C6orf89: variants seen among roughly 807,000 people sequenced by gnomAD.
C6orf89 encodes the protein chromosome 6 open reading frame 89, also known as bombesin receptor-activated protein C6orf89.
In C6orf89, 29 loss-of-function variants were observed where a neutral mutation model predicts 40.7. That is an observed-to-expected ratio of 0.71 (90% CI 0.53 to 0.97). The LOEUF is 0.97. Among genes scored for constraint, C6orf89 ranks in the 50% least tolerant of loss-of-function variants. C6orf89 has a pLI of 0.00. For missense variants in C6orf89, 392 were observed against 429.1 expected (o/e 0.91, Z 0.76); for synonymous variants, 165 against 152.2 (o/e 1.08, Z -0.62).
chr6:36,916,179 AAT>A (rs1476543205), intron 6 of C6orf89, among the ~76,000 whole-genome samples: 1 of 152,124 alleles, frequency 6.6e-6, no homozygotes, highest in Non-Finnish European at 1.5e-5. Context: ...CTTTCCTTCC[AAT>A]ATATATTGTT....
intron 4 of C6orf89, among the ~76,000 whole-genome samples, chr6:36,913,283 C>T (rs1762190548): frequency 6.6e-6 from 1 of 152,172 alleles, no homozygotes; most frequent in Non-Finnish European, 1.5e-5. Flanking sequence ...CCATTTCTGA[C>T]CAGCATGTGG....
At position 36,926,209 on chromosome 6, in the gene C6orf89, A is replaced by C. The variant is rs774077906; in HGVS notation, c.*2768A>C. 3 of 152,014 alleles carry C rather than the reference A, an allele frequency of 2.0e-5. No individual in the cohort carries two copies. Among genetic ancestry groups the C allele is most frequent in the Non-Finnish European group, 2.9e-5 (2 of 68,002 alleles). The allele number at this position is 152,014 out of a possible 1,614,324, so 9.4% of individuals were successfully genotyped here. On this transcript the variant is annotated 3_prime_UTR_variant, in exon 9 of 9. Coordinates refer to ENST00000480824, the MANE Select transcript of C6orf89 (RefSeq NM_001286635.2). ...TGAAAAAAGGCAGAGCTTATCCTCA[A>C]TTTTTTTTAGGGAAGAGAAGGAATA...
rs1436983512 is a variant in C6orf89, at chr6:36,924,724, G to A, written c.*1283G>A. Reference sequence around the variant, plus strand: ...TGGCCACTGGTCATGCCATTGCCAAGATGAAGAAAAAGCAAACTACACTTT... The same window carrying A: ...TGGCCACTGGTCATGCCATTGCCAAAATGAAGAAAAAGCAAACTACACTTT... On this transcript the variant is annotated 3_prime_UTR_variant, in exon 9 of 9. Transcript: ENST00000480824. 1 of 152,074 alleles carries A rather than the reference G, an allele frequency of 6.6e-6. No homozygotes were observed. The highest frequency in any genetic ancestry group is 1.5e-5 in the Non-Finnish European group (1 of 68,026). The allele number at this position is 152,074 out of a possible 1,614,324, so 9.4% of individuals were successfully genotyped here.
intron 1 of C6orf89, among the ~76,000 whole-genome samples, chr6:36,874,504 G>A (rs1050384677): frequency 2.6e-5 from 4 of 152,250 alleles, no homozygotes; most frequent in Non-Finnish European, 4.4e-5. Flanking sequence ...CAATCAGGCA[G>A]CTATTGCTGA....
upstream of C6orf89, among the ~76,000 whole-genome samples, chr6:36,883,693 T>A (rs1433122325): frequency 6.6e-6 from 1 of 152,224 alleles, no homozygotes; most frequent in Non-Finnish European, 1.5e-5. Context: ...ACATCATGGA[T>A]TAAAGAGAAC....
At position 36,928,085 on chromosome 6, in the gene C6orf89, C is replaced by T. The variant is rs547174138; in HGVS notation, c.*4644C>T. On this transcript the variant is annotated 3_prime_UTR_variant, in exon 9 of 9. Coordinates refer to ENST00000480824, the MANE Select transcript of C6orf89 (RefSeq NM_001286635.2). ...AAATACATCTGTCATATTCCTCTCC[C>T]TGGAGACTGCGAAATGTCCAGACTT... 1.3e-5 allele frequency: 2 copies of T among 152,362 alleles called. No individual in the cohort carries two copies. Among genetic ancestry groups the T allele is most frequent in the Admixed American group, 1.3e-4 (2 of 15,310 alleles). The allele number at this position is 152,362 out of a possible 1,614,324, so 9.4% of individuals were successfully genotyped here.
intron 7 of C6orf89, among the ~76,000 whole-genome samples, 186 bp downstream of exon 7, chr6:36,916,760 T>C (rs541744444): frequency 6.6e-6 from 1 of 152,334 alleles, no homozygotes; most frequent in Admixed American, 6.5e-5. Context: ...CACCTTGTCA[T>C]GAAGGCAGGT....
rs1762772312 is a variant in C6orf89, at chr6:36,928,925, G to T, written c.*5484G>T. ...TAAATTAAAGTTTATTGTAATGAAG[G>T]TTTTTACTTTTTGCAATTAAAAGTG... is the stretch of plus-strand genomic sequence containing the variant. On this transcript the variant is annotated 3_prime_UTR_variant, in exon 9 of 9. Transcript: ENST00000480824. 6.6e-6 allele frequency: 1 copy of T among 152,184 alleles called. No homozygotes were observed. Among genetic ancestry groups the T allele is most frequent in the South Asian group, 2.1e-4 (1 of 4,824 alleles). The allele number at this position is 152,184 out of a possible 1,614,324, so 9.4% of individuals were successfully genotyped here.
At chr6:36,876,333 T>C (rs1456862652) in intron 1 of C6orf89, among the ~76,000 whole-genome samples, 1 of 152,168 alleles carries the variant, frequency 6.6e-6, no homozygotes, top group Admixed American at 6.5e-5. Flanking sequence ...GAGATGAGTC[T>C]CACACACACA....
intron 8 of C6orf89, among the ~76,000 whole-genome samples, chr6:36,919,926 G>A (rs1762457119): frequency 6.6e-6 from 1 of 152,174 alleles, no homozygotes; most frequent in Non-Finnish European, 1.5e-5. Flanking sequence ...GAATGCGTGT[G>A]TCTATTGATC....
At chr6:36,911,765 A>G (rs1762131922) in intron 4 of C6orf89, among the ~76,000 whole-genome samples, 1 of 152,140 alleles carries the variant, frequency 6.6e-6, no homozygotes. Flanking sequence ...GTGATACCAG[A>G]GATCTGCAGG....
At position 36,925,862 on chromosome 6, in the gene C6orf89, A is replaced by T. The variant is rs769727753; in HGVS notation, c.*2421A>T. The T allele has an allele frequency of 3.3e-5, 5 of 152,210 alleles. No homozygotes were observed. The highest frequency in any genetic ancestry group is 7.3e-5 in the Non-Finnish European group (5 of 68,064). 9.4% of individuals were successfully genotyped at this position (152,210 alleles called of 1,614,324 possible). On this transcript the variant is annotated 3_prime_UTR_variant, in exon 9 of 9. Coordinates refer to ENST00000480824, the MANE Select transcript of C6orf89 (RefSeq NM_001286635.2). ...GGAAAGAGGGTTGTCAGGATGAGAA[A>T]GTGGGGCTGCAGGGTGACGATAAGA...
At chr6:36,897,147 A>AG (rs1402503795) in intron 2 of C6orf89, among the ~76,000 whole-genome samples, 3 of 148,744 alleles carry the variant, frequency 2.0e-5, no homozygotes, top group Non-Finnish European at 4.5e-5. Flanking sequence ...AAAAAAAAAA[A>AG]AAAAGAAAAG....
intron 1 of C6orf89, among the ~76,000 whole-genome samples, chr6:36,876,581 G>T (rs1365736849): frequency 6.6e-6 from 1 of 151,914 alleles, no homozygotes; most frequent in Non-Finnish European, 1.5e-5. Flanking sequence ...AAAATAAGCT[G>T]GGCATAGTGG....
upstream of C6orf89, among the ~76,000 whole-genome samples, chr6:36,884,868 T>G (rs1774920543): frequency 3.3e-5 from 5 of 152,174 alleles, no homozygotes; most frequent in African/African-American, 1.2e-4. The surrounding 1 kb of genome is among the most constrained non-coding windows in gnomAD (Gnocchi z 4.0). Context: ...AGGTTTTTTC[T>G]CCTGTAAACA....
intron 8 of C6orf89, 109 bp downstream of exon 8, chr6:36,919,810 C>G: frequency 8.8e-7 from 1 of 1,131,362 alleles, no homozygotes; most frequent in Admixed American, 2.9e-5. Flanking sequence ...TTAGTAGAAT[C>G]AAAAATAACA....
chr6:36,897,599 G>T (rs1761486347), intron 2 of C6orf89, among the ~76,000 whole-genome samples: 1 of 152,174 alleles, frequency 6.6e-6, no homozygotes, highest in Non-Finnish European at 1.5e-5. Flanking sequence ...TCCACCATTA[G>T]AAGTCTTCTG....
intron 1 of C6orf89, among the ~76,000 whole-genome samples, chr6:36,887,668 CTG>C (rs967776853): frequency 6.6e-6 from 1 of 152,152 alleles, no homozygotes; most frequent in African/African-American, 2.4e-5. Context: ...GGAAATGAAA[CTG>C]AACAGGTAGG....
chr6:36,899,631 A>G lies in C6orf89; in HGVS notation c.187A>G (p.Lys63Glu), dbSNP rs1450352054. Residue 63 changes from lysine to glutamate, a missense_variant and splice_region_variant, in exon 3 of 9, where the codon AAG becomes GAG. Transcript: ENST00000480824. ...GTATCCTCTCCTTATAGTTGTGTATAAGGTAAAATGTTTCCTGAGTTGGTA... is the reference window on the plus strand; with the variant it reads ...GTATCCTCTCCTTATAGTTGTGTATGAGGTAAAATGTTTCCTGAGTTGGTA... ...PQYPLLIVVY[K>E]VLATLGLILL... is the part of the protein sequence containing the mutation. 3 of 1,614,030 alleles carry G rather than the reference A, an allele frequency of 1.9e-6. No individual in the cohort carries two copies. Among genetic ancestry groups the G allele is most frequent in the Non-Finnish European group, 2.5e-6 (3 of 1,179,890 alleles).
Sources: gnomAD v4.1 joint callset for allele counts (sites outside exome capture counted in the v4.1 genomes callset) on GRCh38, gnomAD v4.1.1 for gene constraint, Gnocchi (gnomAD v3.1) non-coding constraint, MANE v1.5 for transcripts, NCBI Gene and HGNC (gene_info 2026-07-23, HGNC 2026-07-21) for gene names.